The following CCDC91 variants were observed in gnomAD, a reference collection of about 807,000 sequenced individuals.
CCDC91 encodes the protein coiled-coil domain containing 91.
A neutral mutation model predicts 63.2 loss-of-function variants in CCDC91; 48 were observed. The ratio of observed to expected loss-of-function variants is 0.76; its 90% CI spans 0.60 to 0.97. CCDC91 has a LOEUF of 0.97. CCDC91 is among the 50% of genes least tolerant of loss of function. The pLI is 0.00. For missense variants in CCDC91, 500 were observed against 494.6 expected (o/e 1.01, Z -0.10); for synonymous variants, 167 against 165.8 (o/e 1.01, Z -0.06).
intron 12 of CCDC91, among the ~76,000 whole-genome samples, chr12:28,508,550 G>A (rs535585219): frequency 8.0e-4 from 121 of 151,942 alleles, no homozygotes; most frequent in African/African-American, 2.8e-3. Flanking sequence ...TACTTTATCC[G>A]ATTGTGTAAC....
chr12:28,369,333 A>G (rs1011414825), intron 7 of CCDC91, among the ~76,000 whole-genome samples: 2 of 152,184 alleles, frequency 1.3e-5, no homozygotes, highest in Non-Finnish European at 2.9e-5. Context: ...ACCCAGCAGG[A>G]CAGTCATTAA....
At chr12:28,530,008 G>T (rs1483555844) in intron 12 of CCDC91, among the ~76,000 whole-genome samples, 3 of 152,174 alleles carry the variant, frequency 2.0e-5, no homozygotes, top group Non-Finnish European at 4.4e-5. Flanking sequence ...CTAAGAAATA[G>T]TACTTAATTA....
intron 8 of CCDC91, among the ~76,000 whole-genome samples, chr12:28,445,220 A>G (rs1246706406): frequency 2.0e-5 from 3 of 152,174 alleles, no homozygotes; most frequent in African/African-American, 7.2e-5. Context: ...TATGGTGGGT[A>G]TTAGAATTAT....
intron 3 of CCDC91, among the ~76,000 whole-genome samples, chr12:28,266,241 A>G (rs761278760): frequency 1.1e-4 from 16 of 152,016 alleles, no homozygotes; most frequent in Non-Finnish European, 2.1e-4. Flanking sequence ...TCTGAAGATT[A>G]GGTTTATTAT....
At chr12:28,201,148 C>T (rs10080501) in intron 1 of CCDC91, among the ~76,000 whole-genome samples, 40 of 150,778 alleles carry the variant, frequency 2.7e-4, no homozygotes, top group Admixed American at 7.2e-4. Context: ...ACCTCCCTCC[C>T]GGACGAGGTG....
intron 3 of CCDC91, among the ~76,000 whole-genome samples, chr12:28,303,605 G>A (rs1284090152): frequency 6.6e-6 from 1 of 152,062 alleles, no homozygotes; most frequent in East Asian, 1.9e-4. Flanking sequence ...CAGGATCACA[G>A]CCACATATAT....
At chr12:28,329,440 A>T (rs1941304520) in intron 6 of CCDC91, among the ~76,000 whole-genome samples, 1 of 151,808 alleles carries the variant, frequency 6.6e-6, no homozygotes, top group African/African-American at 2.4e-5. Context: ...CATGTCATAA[A>T]CTCTCTTGTG....
At chr12:28,326,719 A>C (rs1366356148) in intron 6 of CCDC91, among the ~76,000 whole-genome samples, 1 of 152,070 alleles carries the variant, frequency 6.6e-6, no homozygotes, top group Non-Finnish European at 1.5e-5. Context: ...TTCTATTTAT[A>C]GAAAATTCCA....
intron 1 of CCDC91, among the ~76,000 whole-genome samples, chr12:28,211,938 G>T (rs188702833): frequency 6.6e-6 from 1 of 152,252 alleles, no homozygotes; most frequent in East Asian, 1.9e-4. Flanking sequence ...TCCCTAGCCA[G>T]TTAATTTCTG....
At chr12:28,407,699 T>G (rs1370019610) in intron 8 of CCDC91, among the ~76,000 whole-genome samples, 2 of 152,156 alleles carry the variant, frequency 1.3e-5, no homozygotes, top group Non-Finnish European at 2.9e-5. Flanking sequence ...ATTTTCACAA[T>G]ATTGAGTCTT....
chr12:28,201,565 C>A (rs1031486132), intron 1 of CCDC91, among the ~76,000 whole-genome samples: 1 of 144,158 alleles, frequency 6.9e-6, no homozygotes, highest in South Asian at 2.2e-4. Flanking sequence ...GGCAGAGGGG[C>A]TCCTCACGTC....
intron 12 of CCDC91, among the ~76,000 whole-genome samples, chr12:28,536,574 A>G (rs947117838): frequency 2.0e-5 from 3 of 152,126 alleles, no homozygotes; most frequent in African/African-American, 7.2e-5. Flanking sequence ...AAGTACTTTA[A>G]CCTTTCTGGG....
intron 3 of CCDC91, among the ~76,000 whole-genome samples, chr12:28,295,317 T>G (rs1050385588): frequency 6.6e-5 from 10 of 151,626 alleles, no homozygotes; most frequent in Non-Finnish European, 1.5e-4. Flanking sequence ...AGACTTTATC[T>G]TTTTTTTGAA....
At chr12:28,201,421 C>T (rs13208748) in intron 1 of CCDC91, among the ~76,000 whole-genome samples, 1 of 136,924 alleles carries the variant, frequency 7.3e-6, no homozygotes, top group Non-Finnish European at 1.7e-5. Context: ...CCCCACATCT[C>T]AGACGATGGG....
intron 1 of CCDC91, among the ~76,000 whole-genome samples, chr12:28,192,121 AT>A (rs1310124913): frequency 6.6e-6 from 1 of 152,228 alleles, no homozygotes; most frequent in African/African-American, 2.4e-5. Flanking sequence ...TTAGTACTTA[AT>A]AACACACAAA....
At chr12:28,534,087 G>A (rs964647658) in intron 12 of CCDC91, among the ~76,000 whole-genome samples, 6 of 151,822 alleles carry the variant, frequency 4.0e-5, no homozygotes, top group African/African-American at 1.5e-4. Context: ...AACTATGTAC[G>A]CTAATTCATT....
chr12:28,431,146 G>A (rs890255755), intron 8 of CCDC91, among the ~76,000 whole-genome samples: 2 of 152,108 alleles, frequency 1.3e-5, no homozygotes, highest in South Asian at 2.1e-4. Context: ...ATGTGATAAT[G>A]TCCTACTATT....
intron 6 of CCDC91, among the ~76,000 whole-genome samples, chr12:28,348,152 T>C (rs1942941097): frequency 6.6e-6 from 1 of 152,222 alleles, no homozygotes; most frequent in South Asian, 2.1e-4. Flanking sequence ...ATTCATACAG[T>C]ATCTTCTACT....
At chr12:28,435,228 T>G (rs1948842194) in intron 8 of CCDC91, among the ~76,000 whole-genome samples, 1 of 151,830 alleles carries the variant, frequency 6.6e-6, no homozygotes, top group African/African-American at 2.4e-5. Context: ...AGATTATTGA[T>G]TTAGTATTTT....
Sources: gnomAD v4.1 joint callset for allele counts (sites outside exome capture counted in the v4.1 genomes callset) on GRCh38, gnomAD v4.1.1 for gene constraint, MANE v1.5 for transcripts, NCBI Gene and HGNC (gene_info 2026-07-23, HGNC 2026-07-21) for gene names.